SGIP1: variants seen among roughly 807,000 people sequenced by gnomAD.
SGIP1 encodes the protein SH3-containing GRB2-like protein 3-interacting protein 1.
Under a neutral mutation model 107.5 loss-of-function variants are expected in SGIP1, and 38 were observed. The ratio of observed to expected loss-of-function variants is 0.35; its 90% CI spans 0.27 to 0.46. SGIP1 has a LOEUF of 0.46. Among genes scored for constraint, SGIP1 ranks in the 20% least tolerant of loss-of-function variants. The pLI, the probability that SGIP1 is intolerant of heterozygous loss-of-function variation, is 1.00. For missense variants in SGIP1, 929 were observed against 1,019.5 expected (o/e 0.91, Z 1.21); for synonymous variants, 365 against 366.1 (o/e 1.00, Z 0.03).
Position 66,679,724 on chromosome 1 carries a change from A to T in SGIP1, c.786A>T (p.Arg262=). The part of the protein sequence containing the change: ...PPKNVPATPP[R]TGSPLTIGPG... ...AAAATGTACCAGCTACCCCACCCCG[A>T]ACAGGATCCCCCTTAACAATTGGAC... is the stretch of plus-strand genomic sequence containing the variant. The change falls in exon 14 of 25, where the codon CGA becomes CGT. Residue 262 remains arginine, a synonymous_variant. Transcript: ENST00000371037. 3.1e-6 allele frequency: 5 copies of T among 1,604,798 alleles called. No individual in the cohort carries two copies. The South Asian group carries it at 4.5e-5, about 14-fold the overall frequency.
At chr1:66,606,680 C>T (rs1157929452) in intron 1 of SGIP1, among the ~76,000 whole-genome samples, 2 of 152,198 alleles carry the variant, frequency 1.3e-5, no homozygotes, top group Non-Finnish European at 2.9e-5. Context: ...TAGTATCTGA[C>T]GAAGAGTCAT....
intron 18 of SGIP1, among the ~76,000 whole-genome samples, chr1:66,716,387 T>C (rs139713819): frequency 1.2e-3 from 183 of 152,334 alleles, no homozygotes; most frequent in African/African-American, 4.2e-3. Flanking sequence ...TTTGCAGAAT[T>C]AAAAAATATT....
rs1006797418 is a variant in SGIP1, at chr1:66,614,511, G to A, written c.11-11336G>A. 3.9e-5 allele frequency among the ~76,000 whole-genome samples: 6 copies of A among 152,250 alleles called. No individual in the cohort carries two copies. In the East Asian group the frequency reaches 5.8e-4, roughly 15 times the overall value. ...TTAAGGCCTCTCCAAAGAATTTAGA[G>A]CATATACTGCATATTAATTTTCCTT... On this transcript the variant is annotated intron_variant, in intron 1 of 24. Transcript: ENST00000371037.
At chr1:66,689,333 C>A (rs2089289108) in intron 16 of SGIP1, 58 bp downstream of exon 16, 2 of 1,579,120 alleles carry the variant, frequency 1.3e-6, no homozygotes, top group East Asian at 4.5e-5. Flanking sequence ...AACAGAAGCT[C>A]CAAATGCCTT....
intron 16 of SGIP1, 36 bp from the exon 17 acceptor site, chr1:66,690,154 G>T (rs75206942): frequency 6.2e-7 from 1 of 1,608,674 alleles, no homozygotes; most frequent in Admixed American, 1.7e-5. Context: ...TGCAACCTGT[G>T]TATCTAACTT....
intron 1 of SGIP1, among the ~76,000 whole-genome samples, chr1:66,534,873 A>G (rs557831885): frequency 1.3e-5 from 2 of 152,308 alleles, no homozygotes; most frequent in South Asian, 4.1e-4. Flanking sequence ...TATTATTGGG[A>G]TGGGGAGGGC....
intron 18 of SGIP1, among the ~76,000 whole-genome samples, chr1:66,716,535 A>G (rs889674329): frequency 6.6e-6 from 1 of 152,106 alleles, no homozygotes; most frequent in African/African-American, 2.4e-5. Context: ...GGTTCTATCA[A>G]ACTGTAAAAT....
intron 1 of SGIP1, among the ~76,000 whole-genome samples, chr1:66,622,321 G>A (rs373630645): frequency 2.0e-5 from 3 of 152,238 alleles, no homozygotes; most frequent in Admixed American, 2.0e-4. Context: ...TTTAAAGGAG[G>A]CAACATACGC....
At chr1:66,603,519 A>G (rs574120674) in intron 1 of SGIP1, among the ~76,000 whole-genome samples, 7 of 152,280 alleles carry the variant, frequency 4.6e-5, no homozygotes, top group African/African-American at 1.7e-4. Context: ...ATTCACTTGT[A>G]TTGCTTCTGA....
In SGIP1 at chr1:66,747,328, A is replaced by G. The variant is rs1280704271; in HGVS notation, c.*4233A>G. On this transcript the variant is annotated 3_prime_UTR_variant, in exon 25 of 25. Coordinates refer to ENST00000371037, the MANE Select transcript of SGIP1 (RefSeq NM_032291.4). ...AGCATTAAATTCTAAGATGAAAACC[A>G]TTTTTCTAGTCAGTTTATTTTTCAT... 1.3e-5 allele frequency: 2 copies of G among 151,914 alleles called. No individual in the cohort carries two copies. The highest frequency in any genetic ancestry group is 4.8e-5 in the African/African-American group (2 of 41,380). The allele number at this position is 151,914 out of a possible 1,614,324, so 9.4% of individuals were successfully genotyped here. A position where few individuals can be genotyped will look rare whatever the true frequency, so the allele number is the denominator to read the frequency against.
At chr1:66,644,173 C>T (rs576951788) in intron 7 of SGIP1, among the ~76,000 whole-genome samples, 11 of 152,048 alleles carry the variant, frequency 7.2e-5, no homozygotes, top group African/African-American at 2.7e-4. Context: ...GCTCTAAAAC[C>T]AAAAACTAAT....
chr1:66,705,991 A>T (rs2092469819), intron 18 of SGIP1, among the ~76,000 whole-genome samples: 1 of 152,152 alleles, frequency 6.6e-6, no homozygotes, highest in South Asian at 2.1e-4. Context: ...TACCTATGTA[A>T]CAAACCTACA....
chr1:66,650,346 G>C (rs1416521468), intron 7 of SGIP1, among the ~76,000 whole-genome samples: 1 of 152,112 alleles, frequency 6.6e-6, no homozygotes, highest in Non-Finnish European at 1.5e-5. Context: ...ATGGATAATT[G>C]ACTTTATTTC....
At chr1:66,716,279 T>C (rs1222719650) in intron 18 of SGIP1, among the ~76,000 whole-genome samples, 1 of 152,288 alleles carries the variant, frequency 6.6e-6, no homozygotes, top group Non-Finnish European at 1.5e-5. Context: ...TCATTGGATA[T>C]TGTGATTTAT....
chr1:66,572,787 G>A (rs1006424664), intron 1 of SGIP1, among the ~76,000 whole-genome samples: 7 of 151,942 alleles, frequency 4.6e-5, no homozygotes, highest in Non-Finnish European at 8.8e-5. Context: ...CTACAACAGA[G>A]AGAATAAAAA....
At chr1:66,566,636 T>C (rs981394106) in intron 1 of SGIP1, among the ~76,000 whole-genome samples, 1 of 151,940 alleles carries the variant, frequency 6.6e-6, no homozygotes, top group Non-Finnish European at 1.5e-5. Flanking sequence ...GCTATGAAAA[T>C]ATAGTATAAA....
intron 1 of SGIP1, among the ~76,000 whole-genome samples, chr1:66,611,065 T>C (rs1377486917): frequency 6.6e-6 from 1 of 151,854 alleles, no homozygotes; most frequent in Non-Finnish European, 1.5e-5. Context: ...TGCACCAAAA[T>C]CTAAGAAATC....
At chr1:66,542,889 C>T (rs1189289716) in intron 1 of SGIP1, among the ~76,000 whole-genome samples, 2 of 152,152 alleles carry the variant, frequency 1.3e-5, no homozygotes, top group Admixed American at 6.5e-5. Flanking sequence ...AGGCTTGACT[C>T]CTAGTTAAGT....
chr1:66,659,444 A>G (rs1235474844), intron 7 of SGIP1, among the ~76,000 whole-genome samples: 1 of 152,212 alleles, frequency 6.6e-6, no homozygotes, highest in Non-Finnish European at 1.5e-5. Context: ...GGGAGATGAT[A>G]GGTTCTGGGT....
Sources: gnomAD v4.1 joint callset for allele counts (sites outside exome capture counted in the v4.1 genomes callset) on GRCh38, gnomAD v4.1.1 for gene constraint, MANE v1.5 for transcripts, NCBI Gene and HGNC (gene_info 2026-07-23, HGNC 2026-07-21) for gene names.